The following NCAM1 variants were observed in gnomAD, a reference collection of about 807,000 sequenced individuals.
The protein encoded by NCAM1 is neural cell adhesion molecule 1.
Under a neutral mutation model 109.8 loss-of-function variants are expected in NCAM1, and 14 were observed. The ratio of observed to expected loss-of-function variants is 0.13; its 90% CI spans 0.08 to 0.20. NCAM1 has a LOEUF of 0.20. Ranked by LOEUF, NCAM1 falls within the 10% of genes least tolerant of loss-of-function variation. The pLI is 1.00. For missense variants in NCAM1, 774 were observed against 1,109.9 expected (o/e 0.70, Z 4.30); for synonymous variants, 418 against 442.9 (o/e 0.94, Z 0.70).
chr11:113,216,316 A>G (rs1178383366), intron 8 of NCAM1, among the ~76,000 whole-genome samples: 1 of 150,094 alleles, frequency 6.7e-6, no homozygotes, highest in African/African-American at 2.5e-5. Context: ...CGCCCGGCTA[A>G]TTTTTTTTTG....
At chr11:113,094,951 T>C (rs1939525502) in intron 1 of NCAM1, among the ~76,000 whole-genome samples, 1 of 152,222 alleles carries the variant, frequency 6.6e-6, no homozygotes, top group Non-Finnish European at 1.5e-5. Flanking sequence ...TGAGGGCTTT[T>C]ATAAATAGGG....
intron 1 of NCAM1, among the ~76,000 whole-genome samples, chr11:113,098,562 T>C (rs1263962685): frequency 1.3e-5 from 2 of 152,126 alleles, no homozygotes; most frequent in African/African-American, 2.4e-5. Flanking sequence ...ACCTCAGATA[T>C]AGTGATCACA....
intron 1 of NCAM1, among the ~76,000 whole-genome samples, chr11:113,074,150 T>C (rs555646298): frequency 4.6e-5 from 7 of 152,344 alleles, no homozygotes; most frequent in Admixed American, 3.9e-4. Context: ...TCTCTCCAGA[T>C]TCCCTTTGAG....
At chr11:112,979,383 T>C (rs1241247218) in intron 1 of NCAM1, among the ~76,000 whole-genome samples, 1 of 151,894 alleles carries the variant, frequency 6.6e-6, no homozygotes, top group East Asian at 1.9e-4. Context: ...AATTTAGTTA[T>C]AAATCAAATT....
intron 1 of NCAM1, among the ~76,000 whole-genome samples, chr11:113,026,144 G>GA (rs1555077270): frequency 6.6e-6 from 1 of 152,108 alleles, no homozygotes; most frequent in Non-Finnish European, 1.5e-5. Flanking sequence ...AAATTAATTT[G>GA]AAAAAACTCC....
intron 1 of NCAM1, among the ~76,000 whole-genome samples, chr11:113,014,666 GT>G (rs1483358739): frequency 1.3e-5 from 2 of 152,234 alleles, no homozygotes; most frequent in African/African-American, 4.8e-5. Flanking sequence ...ACTATAAGAT[GT>G]TTTGACGGAT....
At chr11:113,182,167 GC>G (rs1286963267) in intron 1 of NCAM1, among the ~76,000 whole-genome samples, 1 of 152,142 alleles carries the variant, frequency 6.6e-6, no homozygotes, top group Non-Finnish European at 1.5e-5. Context: ...GAAACATCAA[GC>G]TTTTTGACTG....
intron 1 of NCAM1, among the ~76,000 whole-genome samples, chr11:113,091,297 C>G (rs963653493): frequency 2.6e-4 from 40 of 152,132 alleles, no homozygotes; most frequent in African/African-American, 8.4e-4. Context: ...CAGTGGCTCC[C>G]TGCTCCCCTG....
Position 113,050,698 on chromosome 11 carries a change from T to G in NCAM1, c.52+89034T>G, listed in dbSNP as rs187781847. Among the ~76,000 whole-genome samples, 17 of 152,246 alleles carry G rather than the reference T, an allele frequency of 1.1e-4. No individual in the cohort carries two copies. In the East Asian group the frequency reaches 3.3e-3, roughly 29 times the overall value. ...AAATGTAGTTCGATATTCACTTAAA[T>G]CACCCAGATGCTGTTTTGCCTCCTA... is the stretch of plus-strand genomic sequence containing the variant. On this transcript the variant is annotated intron_variant, in intron 1 of 19. Coordinates refer to ENST00000316851, the MANE Select transcript of NCAM1 (RefSeq NM_181351.5).
intron 1 of NCAM1, among the ~76,000 whole-genome samples, chr11:113,148,316 C>A (rs1242135395): frequency 1.3e-5 from 2 of 151,816 alleles, no homozygotes; most frequent in Non-Finnish European, 2.9e-5. Context: ...AGATCAGTCA[C>A]CTGGGCCAGT....
At chr11:113,080,916 G>A (rs190641679) in intron 1 of NCAM1, among the ~76,000 whole-genome samples, 83 of 152,318 alleles carry the variant, frequency 5.4e-4, no homozygotes, top group Non-Finnish European at 8.4e-4. Context: ...GATCCAGAGC[G>A]ATATGATTGG....
chr11:113,214,414 T>C lies in NCAM1; in HGVS notation c.962T>C (p.Leu321Ser), dbSNP rs1212033632. ...GTAGAGAACCAGACTGCCATGGAAT[T>C]AGAGGAGCAGGTCACTCTTACCTGT... is the stretch of plus-strand genomic sequence containing the variant. ...TYVENQTAME[L>S]EEQVTLTCEA... The change falls in exon 8 of 20, where the codon TTA becomes TCA. Residue 321 changes from leucine (L) to serine (S), a missense_variant. Leu to Ser is a moderately radical substitution (Grantham distance 145). Transcript: ENST00000316851. 1 of 1,613,834 alleles carries C rather than the reference T, an allele frequency of 6.2e-7. No individual in the cohort carries two copies. Among genetic ancestry groups the C allele is most frequent in the Non-Finnish European group, 8.5e-7 (1 of 1,179,848 alleles).
chr11:113,266,105 C>T (rs1946129702), intron 17 of NCAM1, among the ~76,000 whole-genome samples: 1 of 152,178 alleles, frequency 6.6e-6, no homozygotes, highest in Non-Finnish European at 1.5e-5. Context: ...TGAGGGAAGA[C>T]CATAGCAAAG....
chr11:113,216,819 G>T (rs926272915), intron 8 of NCAM1, among the ~76,000 whole-genome samples: 17 of 152,138 alleles, frequency 1.1e-4, no homozygotes, highest in Middle Eastern at 3.2e-3. Flanking sequence ...CGTCAAAGAG[G>T]CGTATTGTCC....
intron 9 of NCAM1, among the ~76,000 whole-genome samples, chr11:113,227,197 A>G (rs1944877604): frequency 6.6e-6 from 1 of 152,086 alleles, no homozygotes; most frequent in Admixed American, 6.5e-5. Context: ...AGACTAATAA[A>G]GAAGAAAAGA....
At chr11:113,003,445 G>C (rs1398131200) in intron 1 of NCAM1, among the ~76,000 whole-genome samples, 2 of 152,068 alleles carry the variant, frequency 1.3e-5, no homozygotes, top group Non-Finnish European at 2.9e-5. Flanking sequence ...CACTCAGCTT[G>C]GTTTTTCTTT....
intron 1 of NCAM1, among the ~76,000 whole-genome samples, chr11:113,141,676 A>G (rs1941827162): frequency 6.6e-6 from 1 of 152,082 alleles, no homozygotes; most frequent in African/African-American, 2.4e-5. Flanking sequence ...AAAGTTAGTG[A>G]AGCTGAAGGG....
At chr11:113,167,264 A>G (rs4937995) in intron 1 of NCAM1, among the ~76,000 whole-genome samples, 31,722 of 152,014 alleles carry the variant, frequency 0.21, 4,175 homozygotes, top group East Asian at 0.37. Context: ...ATGTATATAT[A>G]TCTTTCTAAG....
rs1319957058 is a variant in NCAM1 at position 113,192,841 on chromosome 11, T to TA, written c.53-9538_53-9537insA. 2.0e-5 allele frequency among the ~76,000 whole-genome samples: 3 copies of TA among 152,288 alleles called. No homozygotes were observed. In the East Asian group the frequency reaches 5.8e-4, roughly 29 times the overall value. On this transcript the variant is annotated intron_variant, in intron 1 of 19. Coordinates refer to ENST00000316851, the MANE Select transcript of NCAM1 (RefSeq NM_181351.5). ...GGTTGGAGATAAGCGTCAGGTCCTTTCCAGCTCTAACCTCCTTTGTTAGTA... is the reference window on the plus strand; with the variant it reads ...GGTTGGAGATAAGCGTCAGGTCCTTTACCAGCTCTAACCTCCTTTGTTAGTA...
Sources: allele counts gnomAD v4.1 joint callset (sites outside exome capture counted in the v4.1 genomes callset), GRCh38; gene constraint gnomAD v4.1.1; transcripts MANE v1.5; gene names NCBI Gene and HGNC (gene_info 2026-07-23, HGNC 2026-07-21).